Variants in RGS6 observed in about 807,000 individuals in gnomAD.
RGS6 encodes regulator of G-protein signaling 6.
RGS6 carries 30 observed loss-of-function variants against 78.5 expected under a neutral mutation model. That is an observed-to-expected ratio of 0.38 (90% CI 0.29 to 0.52). RGS6 has a LOEUF of 0.52. Ranked by LOEUF, RGS6 falls within the 20% of genes least tolerant of loss-of-function variation. RGS6 has a pLI of 0.85. For missense variants in RGS6, 495 were observed against 609.7 expected, an observed-to-expected ratio of 0.81 and a Z score of 1.98; for synonymous variants, 206 against 206.0, an observed-to-expected ratio of 1.00 and a Z score of 0.00.
rs1428962616 is a variant in RGS6, at chr14:72,563,102, G to T, written c.*635G>T. ...GCCTCAAGGTCTTTCCACCCTCTTT[G>T]AGATCAGCGTTCGGAGAGGTCCCCG... On this transcript the variant is annotated 3_prime_UTR_variant, in exon 18 of 18. Transcript: ENST00000553525. 11 of 356,724 alleles carry T rather than the reference G, an allele frequency of 3.1e-5. No homozygotes were observed. Among genetic ancestry groups the T allele is most frequent in the African/African-American group, 2.1e-4 (10 of 48,188 alleles). 22.1% of individuals were successfully genotyped at this position (356,724 alleles called of 1,614,324 possible).
intron 2 of RGS6, among the ~76,000 whole-genome samples, chr14:72,326,853 G>A (rs1053062150): frequency 6.6e-5 from 10 of 152,046 alleles, no homozygotes; most frequent in East Asian, 1.9e-4. Flanking sequence ...GACTACAGGC[G>A]CCCGCCACCA....
chr14:71,872,306 C>G, the RGS6 span, among the ~76,000 whole-genome samples: 1 of 151,528 alleles, frequency 6.6e-6, no homozygotes, highest in Non-Finnish European at 1.5e-5. Context: ...TACCCTCTTG[C>G]CTATGGTACA....
chr14:72,399,995 C>A (rs547238939), intron 3 of RGS6, among the ~76,000 whole-genome samples: 7 of 152,296 alleles, frequency 4.6e-5, no homozygotes, highest in South Asian at 4.1e-4. Flanking sequence ...CTTCCCCAAT[C>A]TAGCAAGGCA....
intron 2 of RGS6, among the ~76,000 whole-genome samples, chr14:72,216,540 A>G (rs2045615583): frequency 6.6e-6 from 1 of 152,208 alleles, no homozygotes; most frequent in Non-Finnish European, 1.5e-5. Context: ...GAAATGTAAT[A>G]AGGCAATTTA....
chr14:72,362,622 T>C (rs888175315), intron 3 of RGS6, among the ~76,000 whole-genome samples: 1 of 152,200 alleles, frequency 6.6e-6, no homozygotes. Context: ...TTGGGCTTCT[T>C]CACAGCCTCT....
At chr14:72,048,022 G>A (rs1256041986) in intron 2 of RGS6, among the ~76,000 whole-genome samples, 2 of 151,200 alleles carry the variant, frequency 1.3e-5, no homozygotes, top group Non-Finnish European at 2.9e-5. Flanking sequence ...CACCATTGAG[G>A]TAGACTACCA....
At chr14:72,223,400 C>T (rs965470872) in intron 2 of RGS6, among the ~76,000 whole-genome samples, 1 of 152,176 alleles carries the variant, frequency 6.6e-6, no homozygotes, top group African/African-American at 2.4e-5. Flanking sequence ...ATTGTCACCT[C>T]TAATAGGGCG....
At chr14:72,483,774 T>C (rs781092768) in intron 12 of RGS6, among the ~76,000 whole-genome samples, 24 of 152,032 alleles carry the variant, frequency 1.6e-4, no homozygotes, top group Non-Finnish European at 2.6e-4. Flanking sequence ...GACCAAGATA[T>C]GGAATCTGTA....
At chr14:72,501,021 GT>G (rs1343949693) in intron 13 of RGS6, among the ~76,000 whole-genome samples, 1 of 152,136 alleles carries the variant, frequency 6.6e-6, no homozygotes. Flanking sequence ...GAGGGGTTTG[GT>G]GGGTGTGGGT....
At chr14:72,595,684 A>G in the RGS6 span, among the ~76,000 whole-genome samples, 5 of 151,892 alleles carry the variant, frequency 3.3e-5, no homozygotes, top group Non-Finnish European at 7.4e-5. Flanking sequence ...TTACACTTCT[A>G]CTCTTCACCA....
intron 2 of RGS6, among the ~76,000 whole-genome samples, chr14:72,246,546 A>G (rs1289351764): frequency 6.6e-6 from 1 of 152,236 alleles, no homozygotes; most frequent in Non-Finnish European, 1.5e-5. Flanking sequence ...GAATGTACAT[A>G]CAAAATTTAA....
intron 2 of RGS6, among the ~76,000 whole-genome samples, chr14:72,039,922 T>C (rs1301650533): frequency 6.7e-6 from 1 of 148,322 alleles, no homozygotes; most frequent in Non-Finnish European, 1.5e-5. Flanking sequence ...ACAAAAAACA[T>C]CTTATAGTTG....
At chr14:71,929,347 A>C (rs2087767098), upstream of RGS6, among the ~76,000 whole-genome samples, 1 of 152,186 alleles carries the variant, frequency 6.6e-6, no homozygotes, top group Non-Finnish European at 1.5e-5. Flanking sequence ...TAAAGAATAC[A>C]GGCCAGTTAT....
the RGS6 span, among the ~76,000 whole-genome samples, chr14:71,888,945 T>C: frequency 1.3e-5 from 2 of 152,194 alleles, no homozygotes; most frequent in Non-Finnish European, 2.9e-5. Flanking sequence ...GTTTTTGATG[T>C]AGGGTGTCTC....
At chr14:72,072,860 C>T (rs964481022) in intron 2 of RGS6, among the ~76,000 whole-genome samples, 6 of 152,184 alleles carry the variant, frequency 3.9e-5, no homozygotes, top group Non-Finnish European at 5.9e-5. Context: ...CAATAGGTAT[C>T]GTGCTGTCGT....
intron 2 of RGS6, among the ~76,000 whole-genome samples, chr14:72,193,373 C>A (rs1462152770): frequency 6.6e-6 from 1 of 152,184 alleles, no homozygotes; most frequent in Admixed American, 6.5e-5. Flanking sequence ...GCAACTGCTC[C>A]CTCTAATGGG....
Position 72,052,269 on chromosome 14 carries a change from G to A in RGS6, c.84+87394G>A, listed in dbSNP as rs149151706. Among the ~76,000 whole-genome samples, 447 of 152,232 alleles carry A rather than the reference G, an allele frequency of 2.9e-3. 4 individuals carry two copies. Among genetic ancestry groups the A allele is most frequent in the African/African-American group, 9.6e-3 (397 of 41,526 alleles). On this transcript the variant is annotated intron_variant, in intron 2 of 17. Transcript: ENST00000553525. Reference sequence around the variant, plus strand: ...GACAACAGATATTTTCAGTTCATTTGATACTTAACATAGAACATATTAATG... The same window carrying A: ...GACAACAGATATTTTCAGTTCATTTAATACTTAACATAGAACATATTAATG...
chr14:72,131,258 A>G (rs2096308905), intron 2 of RGS6, among the ~76,000 whole-genome samples: 1 of 152,342 alleles, frequency 6.6e-6, no homozygotes, highest in South Asian at 2.1e-4. Flanking sequence ...TGGCATCGTT[A>G]TCTCAGCAGG....
intron 2 of RGS6, among the ~76,000 whole-genome samples, chr14:72,236,177 A>C (rs2050962158): frequency 6.6e-6 from 1 of 152,196 alleles, no homozygotes; most frequent in Admixed American, 6.5e-5. Context: ...TTTCACACAA[A>C]CAGAAAATCT....
Sources: gnomAD v4.1 joint callset for allele counts (sites outside exome capture counted in the v4.1 genomes callset) on GRCh38, gnomAD v4.1.1 for gene constraint, MANE v1.5 for transcripts, NCBI Gene and HGNC (gene_info 2026-07-23, HGNC 2026-07-21) for gene names.